Variants in DEFB123 observed in about 807,000 individuals in gnomAD.
The protein encoded by DEFB123 is defensin beta 123, also known as beta-defensin 123.
For missense variants in DEFB123, 71 were observed against 75.0 expected, an observed-to-expected ratio of 0.95 and a Z score of 0.20; for synonymous variants, 22 against 28.3, an observed-to-expected ratio of 0.78 and a Z score of 0.71.
At chr20:31,441,033 A>G (rs1173711991) in intron 1 of DEFB123, among the ~76,000 whole-genome samples, 1 of 152,178 alleles carries the variant, frequency 6.6e-6, no homozygotes, top group Admixed American at 6.5e-5. Flanking sequence ...TGAGCAAGAG[A>G]AGCAGGAAAG....
At position 31,450,211 on chromosome 20, in the gene DEFB123, A is replaced by C. The variant is rs1979705486; in HGVS notation, c.*37A>C. The C allele has an allele frequency of 2.5e-6, 4 of 1,577,992 alleles. No homozygotes were observed. The highest frequency in any genetic ancestry group is 3.7e-5 in the Admixed American group (2 of 53,724). ...CCTGAAGCCATGAAAATGCAGATGAAGCTCCCAGTGGATTCCCACACTCTA... is the reference window on the plus strand; with the variant it reads ...CCTGAAGCCATGAAAATGCAGATGACGCTCCCAGTGGATTCCCACACTCTA... On this transcript the variant is annotated 3_prime_UTR_variant, in exon 2 of 2. Transcript: ENST00000376309.
At chr20:31,441,444 T>C (rs1180140025) in intron 1 of DEFB123, among the ~76,000 whole-genome samples, 1 of 151,438 alleles carries the variant, frequency 6.6e-6, no homozygotes, top group Non-Finnish European at 1.5e-5. Context: ...AAAGGTTGGA[T>C]GCGGGAGAGA....
intron 1 of DEFB123, among the ~76,000 whole-genome samples, chr20:31,442,699 C>T (rs1412035245): frequency 2.7e-5 from 4 of 150,444 alleles, no homozygotes; most frequent in African/African-American, 9.8e-5. Flanking sequence ...ACCTCCACCT[C>T]CCGGATTCAA....
intron 1 of DEFB123, among the ~76,000 whole-genome samples, chr20:31,446,894 C>T (rs1247927769): frequency 6.6e-6 from 1 of 151,412 alleles, no homozygotes; most frequent in Non-Finnish European, 1.5e-5. Context: ...CTGCAGTGAG[C>T]CGAGATCACG....
intron 1 of DEFB123, among the ~76,000 whole-genome samples, chr20:31,443,252 C>T (rs1022332311): frequency 6.6e-6 from 1 of 152,184 alleles, no homozygotes; most frequent in Admixed American, 6.5e-5. Context: ...GCTGTTCACA[C>T]CCTCCCTTAC....
chr20:31,447,518 T>C (rs933293353), intron 1 of DEFB123, among the ~76,000 whole-genome samples: 5 of 152,068 alleles, frequency 3.3e-5, no homozygotes, highest in Non-Finnish European at 5.9e-5. Context: ...ATATTTTTCC[T>C]CTGTAAAGAA....
chr20:31,446,433 G>A (rs73116229), intron 1 of DEFB123, among the ~76,000 whole-genome samples: 12,280 of 152,308 alleles, frequency 0.081, 594 homozygotes, highest in Non-Finnish European at 0.11. Flanking sequence ...GTACTGAAAG[G>A]CTCAGTTCCT....
At chr20:31,446,393 A>C (rs1979585832) in intron 1 of DEFB123, among the ~76,000 whole-genome samples, 1 of 152,202 alleles carries the variant, frequency 6.6e-6, no homozygotes, top group African/African-American at 2.4e-5. Flanking sequence ...TGACACCAGC[A>C]CCTGGCTTTG....
chr20:31,449,972 A>G, intron 1 of DEFB123, 57 bp from the exon 2 acceptor site: 1 of 1,517,512 alleles, frequency 6.6e-7, no homozygotes, highest in East Asian at 2.5e-5. Context: ...GACCTTTCAA[A>G]TCCGGAGCCT....
intron 1 of DEFB123, among the ~76,000 whole-genome samples, chr20:31,443,266 C>G (rs1979510011): frequency 6.6e-6 from 1 of 152,180 alleles, no homozygotes; most frequent in Non-Finnish European, 1.5e-5. Context: ...CCCTTACTGC[C>G]TTCTGCACTA....
chr20:31,440,764 G>A lies in DEFB123; in HGVS notation c.58+8G>A. 1.9e-6 allele frequency: 3 copies of A among 1,613,130 alleles called. No homozygotes were observed. Among genetic ancestry groups the A allele is most frequent in the Non-Finnish European group, 2.5e-6 (3 of 1,180,032 alleles). On this transcript the variant is annotated splice_region_variant and intron_variant, in intron 1 of 1. Coordinates refer to ENST00000376309, the MANE Select transcript of DEFB123 (RefSeq NM_153324.4). ...TATCCCAGCTGACTCCAGGTAACCT[G>A]AACCTCCTTAAGGAAGGGGCAGGGC...
At chr20:31,443,836 G>A (rs1238978627) in intron 1 of DEFB123, among the ~76,000 whole-genome samples, 1 of 152,170 alleles carries the variant, frequency 6.6e-6, no homozygotes, top group Non-Finnish European at 1.5e-5. Flanking sequence ...GTTGGGTATG[G>A]TAGTGGTGAC....
chr20:31,447,817 C>A (rs554429764), intron 1 of DEFB123, among the ~76,000 whole-genome samples: 21 of 141,168 alleles, frequency 1.5e-4, no homozygotes. Context: ...GACGGAGTCC[C>A]GCTCTGTCGC....
Position 31,450,044 on chromosome 20 carries a change from G to A in DEFB123, c.74G>A (p.Cys25Tyr). ...TTTGTGTCAGGTGGCACCCAAAGAT[G>A]CTGGAATCTTTATGGCAAATGCCGT... ...SQLTPGGTQRCWNLYGKCRYR... is the reference protein window; with the variant it reads ...SQLTPGGTQRYWNLYGKCRYR... The change falls in exon 2 of 2, where the codon TGC (cysteine) becomes TAC (tyrosine). Residue 25 changes from cysteine to tyrosine, a missense_variant. Cys to Tyr is a radical substitution (Grantham distance 194). Coordinates refer to ENST00000376309, the MANE Select transcript of DEFB123 (RefSeq NM_153324.4). 1.2e-6 allele frequency: 2 copies of A among 1,610,600 alleles called. No individual in the cohort carries two copies. Among genetic ancestry groups the A allele is most frequent in the South Asian group, 1.1e-5 (1 of 90,472 alleles).
intron 1 of DEFB123, among the ~76,000 whole-genome samples, chr20:31,443,929 C>A (rs1979524979): frequency 6.6e-6 from 1 of 152,118 alleles, no homozygotes; most frequent in African/African-American, 2.4e-5. Flanking sequence ...GTCTGAACCC[C>A]CCAGGTTCAT....
chr20:31,440,963 C>T (rs1431887482), intron 1 of DEFB123, among the ~76,000 whole-genome samples: 2 of 152,220 alleles, frequency 1.3e-5, no homozygotes, highest in African/African-American at 4.8e-5. Flanking sequence ...CCCTCCTCTT[C>T]CTGCCCAGCT....
chr20:31,442,040 T>TG (rs1426988324), intron 1 of DEFB123, among the ~76,000 whole-genome samples: 1 of 152,214 alleles, frequency 6.6e-6, no homozygotes, highest in Non-Finnish European at 1.5e-5. Flanking sequence ...ACTTCCATCC[T>TG]GACTGTGGGA....
At chr20:31,442,626 G>T (rs1979493092) in intron 1 of DEFB123, among the ~76,000 whole-genome samples, 3 of 145,942 alleles carry the variant, frequency 2.1e-5, no homozygotes, top group African/African-American at 7.7e-5. Context: ...TTGGAGACAG[G>T]GTCTTGCTCT....
At chr20:31,446,664 G>T (rs560702357) in intron 1 of DEFB123, among the ~76,000 whole-genome samples, 20 of 152,306 alleles carry the variant, frequency 1.3e-4, no homozygotes, top group South Asian at 6.2e-4. Flanking sequence ...AAGTTTTACA[G>T]CAGACAGCTT....
Sources: allele counts gnomAD v4.1 joint callset (sites outside exome capture counted in the v4.1 genomes callset), GRCh38; gene constraint gnomAD v4.1.1; transcripts MANE v1.5; gene names NCBI Gene and HGNC (gene_info 2026-07-23, HGNC 2026-07-21).